The following MARCHF1 variants were observed in gnomAD, a reference collection of about 807,000 sequenced individuals.
The protein encoded by MARCHF1 is E3 ubiquitin-protein ligase MARCHF1.
MARCHF1 carries 40 observed loss-of-function variants against 54.2 expected under a neutral mutation model. The ratio of observed to expected loss-of-function variants is 0.74; its 90% confidence interval spans 0.57 to 0.96. The LOEUF (loss-of-function observed/expected upper bound fraction) is 0.96. Among genes scored for constraint, MARCHF1 ranks in the 40% least tolerant of loss-of-function variants. The pLI is 0.00. For missense variants in MARCHF1, 586 were observed against 656.5 expected (o/e 0.89, Z 1.17); for synonymous variants, 236 against 236.3 (o/e 1.00, Z 0.01).
intron 3 of MARCHF1, among the ~76,000 whole-genome samples, chr4:163,896,018 G>T (rs1370760691): frequency 6.6e-6 from 1 of 152,084 alleles, no homozygotes; most frequent in African/African-American, 2.4e-5. Flanking sequence ...TTAAATCATT[G>T]TTTTGTAAAA....
At chr4:163,571,869 T>G (rs544194980) in intron 8 of MARCHF1, among the ~76,000 whole-genome samples, 1 of 152,238 alleles carries the variant, frequency 6.6e-6, no homozygotes, top group South Asian at 2.1e-4. Flanking sequence ...GCAGAAGAGC[T>G]TTGCTGTCAC....
chr4:164,119,608 C>T (rs1246603658), intron 1 of MARCHF1, among the ~76,000 whole-genome samples: 6 of 151,454 alleles, frequency 4.0e-5, no homozygotes, highest in Non-Finnish European at 8.9e-5. Flanking sequence ...CAAACTAATA[C>T]ATAAAATAAA....
At chr4:164,231,621 T>G (rs1014040682) in intron 1 of MARCHF1, among the ~76,000 whole-genome samples, 1 of 152,108 alleles carries the variant, frequency 6.6e-6, no homozygotes, top group African/African-American at 2.4e-5. Flanking sequence ...GTATAGACAT[T>G]TTGATACGCC....
At chr4:163,734,243 C>A (rs903527838) in intron 4 of MARCHF1, among the ~76,000 whole-genome samples, 10 of 152,096 alleles carry the variant, frequency 6.6e-5, no homozygotes, top group African/African-American at 2.4e-4. Context: ...TATAAAGAGA[C>A]AGCTACTTTG....
intron 3 of MARCHF1, among the ~76,000 whole-genome samples, chr4:163,911,468 T>C (rs147752894): frequency 6.6e-6 from 1 of 152,280 alleles, no homozygotes; most frequent in East Asian, 1.9e-4. Flanking sequence ...GCCTGAGGTG[T>C]CCACATATCT....
intron 5 of MARCHF1, among the ~76,000 whole-genome samples, chr4:163,648,010 TAAGA>T (rs1742824453): frequency 6.6e-6 from 1 of 151,572 alleles, no homozygotes; most frequent in South Asian, 2.1e-4. Context: ...TTAGCTAAAC[TAAGA>T]AAAAAAGAGA....
chr4:164,176,038 A>G (rs549846103), intron 1 of MARCHF1, among the ~76,000 whole-genome samples: 1 of 152,358 alleles, frequency 6.6e-6, no homozygotes, highest in South Asian at 2.1e-4. Context: ...ATATGGGGAT[A>G]AAAATGATTT....
chr4:163,658,284 G>T (rs1743221704), intron 5 of MARCHF1, among the ~76,000 whole-genome samples: 1 of 151,944 alleles, frequency 6.6e-6, no homozygotes, highest in South Asian at 2.1e-4. Flanking sequence ...CATTCATGCA[G>T]CCAATAAACG....
At chr4:163,910,624 A>G (rs1751169291) in intron 3 of MARCHF1, among the ~76,000 whole-genome samples, 1 of 152,154 alleles carries the variant, frequency 6.6e-6, no homozygotes, top group African/African-American at 2.4e-5. Context: ...CCTCATGAGT[A>G]GCTGGGATTA....
intron 4 of MARCHF1, among the ~76,000 whole-genome samples, chr4:163,834,514 C>A (rs1433496887): frequency 6.6e-6 from 1 of 151,864 alleles, no homozygotes; most frequent in Non-Finnish European, 1.5e-5. Flanking sequence ...AGGTTAGTTA[C>A]ATATGTATAC....
At chr4:163,900,326 C>T (rs551099892) in intron 3 of MARCHF1, among the ~76,000 whole-genome samples, 10 of 149,706 alleles carry the variant, frequency 6.7e-5, no homozygotes, top group African/African-American at 2.0e-4. Flanking sequence ...TTCCTACCCA[C>T]AGAGTATAGG....
At chr4:164,187,748 G>A (rs1459531728) in intron 1 of MARCHF1, among the ~76,000 whole-genome samples, 2 of 152,052 alleles carry the variant, frequency 1.3e-5, no homozygotes, top group Non-Finnish European at 2.9e-5. Flanking sequence ...TAAAAATAAA[G>A]CATAGCCTTT....
intron 3 of MARCHF1, among the ~76,000 whole-genome samples, chr4:163,924,575 T>C (rs1751498795): frequency 6.6e-6 from 1 of 152,008 alleles, no homozygotes; most frequent in South Asian, 2.1e-4. Flanking sequence ...TTAAAAAATA[T>C]GTATAGTGAC....
chr4:164,176,970 C>CCATATATATATATATATA, intron 1 of MARCHF1, among the ~76,000 whole-genome samples: 1 of 57,438 alleles, frequency 1.7e-5, no homozygotes. Flanking sequence ...CTCTCTCTCT[C>CCATATATATATATATATA]TCTCTCTCTC....
At chr4:163,697,928 AT>A (rs1278979846) in intron 5 of MARCHF1, among the ~76,000 whole-genome samples, 8 of 152,320 alleles carry the variant, frequency 5.3e-5, no homozygotes, top group African/African-American at 1.7e-4. Flanking sequence ...CCATGTTCCA[AT>A]TTATTGGCTG....
chr4:163,543,359 T>C (rs1738783992), intron 9 of MARCHF1, among the ~76,000 whole-genome samples: 2 of 151,792 alleles, frequency 1.3e-5, no homozygotes. Flanking sequence ...TGGTGATTGA[T>C]TTAAGGTAGA....
At chr4:164,357,134 A>G (rs1263105013) in intron 1 of MARCHF1, among the ~76,000 whole-genome samples, 1 of 151,938 alleles carries the variant, frequency 6.6e-6, no homozygotes, top group African/African-American at 2.4e-5. Context: ...AAAAAAATAA[A>G]TAAAAATTTA....
chr4:163,700,449 G>A (rs1204648343), intron 5 of MARCHF1, among the ~76,000 whole-genome samples: 6 of 151,638 alleles, frequency 4.0e-5, no homozygotes. Context: ...AGGTTGCAGT[G>A]AGCCAAGATC....
intron 5 of MARCHF1, among the ~76,000 whole-genome samples, chr4:163,664,962 A>T (rs1038571760): frequency 6.6e-6 from 1 of 152,120 alleles, no homozygotes; most frequent in African/African-American, 2.4e-5. Flanking sequence ...AACCCAGATT[A>T]GATTATATTT....
Sources: allele counts gnomAD v4.1 joint callset (sites outside exome capture counted in the v4.1 genomes callset), GRCh38; gene constraint gnomAD v4.1.1; transcripts MANE v1.5; gene names NCBI Gene and HGNC (gene_info 2026-07-23, HGNC 2026-07-21).